Variants in ANKRD11 observed in about 807,000 individuals in gnomAD.
The protein encoded by ANKRD11 is ankyrin repeat domain-containing protein 11.
Under a neutral mutation model 195.7 loss-of-function variants are expected in ANKRD11, and 17 were observed. That is an observed-to-expected ratio of 0.09 (90% CI 0.06 to 0.13). The LOEUF (loss-of-function observed/expected upper bound fraction) is 0.13, where lower values mean the gene tolerates loss of function less well. ANKRD11 is among the 10% of genes least tolerant of loss of function. ANKRD11 has a pLI of 1.00. For synonymous variants in ANKRD11, 1,953 were observed against 1,528.1 expected, an observed-to-expected ratio of 1.28 and a Z score of -6.49; for missense variants, 3,735 against 3,566.1, an observed-to-expected ratio of 1.05 and a Z score of -1.21.
At chr16:89,338,982 C>T (rs1235626569) in intron 2 of ANKRD11, among the ~76,000 whole-genome samples, 1 of 152,178 alleles carries the variant, frequency 6.6e-6, no homozygotes, top group Non-Finnish European at 1.5e-5. Context: ...CTCAAAGTCA[C>T]CACCGAGGGC....
chr16:89,305,817 G>C (rs1196081688), intron 3 of ANKRD11, among the ~76,000 whole-genome samples: 1 of 111,558 alleles, frequency 9.0e-6, no homozygotes, highest in Non-Finnish European at 1.8e-5. Context: ...GCAGACATGC[G>C]CCACTTACCT....
Position 89,316,931 on chromosome 16 carries a change from AC to A in ANKRD11, c.87+1del. 1 of 1,613,040 alleles carries A rather than the reference AC, an allele frequency of 6.2e-7. No individual in the cohort carries two copies. Among genetic ancestry groups the A allele is most frequent in the Non-Finnish European group, 8.5e-7 (1 of 1,179,676 alleles). ...TGCAGGGCTGGGAGGGGGCAGCATT[AC>A]CTTTTTCCCAGTCTGCTTCTCCACC... On this transcript the variant is annotated splice_donor_variant, in intron 3 of 12. Transcript: ENST00000301030. LOFTEE classifies it high-confidence loss of function.
chr16:89,302,278 G>A (rs918276703), intron 4 of ANKRD11, among the ~76,000 whole-genome samples: 6 of 152,176 alleles, frequency 3.9e-5, no homozygotes, highest in Admixed American at 6.5e-5. Context: ...TTTAGAGACG[G>A]AGTCTTGCTC....
chr16:89,326,893 G>A (rs367638119), intron 2 of ANKRD11, among the ~76,000 whole-genome samples: 19 of 152,350 alleles, frequency 1.2e-4, no homozygotes, highest in African/African-American at 4.6e-4. Context: ...ACATCTGCAC[G>A]TGGGGCTGAC....
At chr16:89,374,057 G>C (rs374892316) in intron 2 of ANKRD11, among the ~76,000 whole-genome samples, 161 of 152,354 alleles carry the variant, frequency 1.1e-3, no homozygotes, top group African/African-American at 3.4e-3. Context: ...CAACACGCAA[G>C]TGTGAGGCCC....
intron 1 of ANKRD11, among the ~76,000 whole-genome samples, chr16:89,427,172 G>C (rs12929744): frequency 0.33 from 49,835 of 152,100 alleles, 10,535 homozygotes; most frequent in Middle Eastern, 0.53. Flanking sequence ...ATTTAAAACA[G>C]CATCAAAAAG....
chr16:89,397,044 G>GT (rs1267443716), intron 2 of ANKRD11, among the ~76,000 whole-genome samples: 1 of 151,306 alleles, frequency 6.6e-6, no homozygotes, highest in Non-Finnish European at 1.5e-5. Flanking sequence ...TTTAAAGAAT[G>GT]TGCTGCTTAT....
intron 2 of ANKRD11, among the ~76,000 whole-genome samples, chr16:89,399,532 G>A (rs1304644783): frequency 6.6e-6 from 1 of 152,136 alleles, no homozygotes; most frequent in Non-Finnish European, 1.5e-5. Flanking sequence ...TGTGCAGCAG[G>A]AACACGGGGG....
At position 89,283,254 on chromosome 16, in the gene ANKRD11, TGAG is replaced by T. The variant is rs2034409441; in HGVS notation, c.3285_3287del (p.Ser1096del). On this transcript the variant is annotated inframe_deletion, in exon 9 of 13. Coordinates refer to ENST00000301030, the MANE Select transcript of ANKRD11 (RefSeq NM_013275.6). The surrounding 1 kb of genome is among the most constrained non-coding windows in gnomAD (Gnocchi z 4.3). ...CATCTTTTTTTTCAGAGAAGTCTTC[TGAG>T]ATGATCCCAGGGAAAGCCTTCTCCT... 6.2e-7 allele frequency: 1 copy of T among 1,614,098 alleles called. No homozygotes were observed. The highest frequency in any genetic ancestry group is 8.5e-7 in the Non-Finnish European group (1 of 1,180,058).
At chr16:89,286,416 C>G (rs564462914) in intron 7 of ANKRD11, 11 of 655,988 alleles carry the variant, frequency 1.7e-5, no homozygotes, top group Non-Finnish European at 2.6e-5. Context: ...CGGGGGCTCC[C>G]GCACCCCTCC....
At chr16:89,474,991 C>T (rs1404297021) in intron 1 of ANKRD11, among the ~76,000 whole-genome samples, 1 of 152,228 alleles carries the variant, frequency 6.6e-6, no homozygotes, top group African/African-American at 2.4e-5. Context: ...GCCACCCCTG[C>T]CCTCTCCTCA....
In ANKRD11 at chr16:89,268,724, C is replaced by A; in HGVS notation, c.7807-61G>T. 4.6e-6 allele frequency: 7 copies of A among 1,533,788 alleles called. No individual in the cohort carries two copies. The Middle Eastern group carries it at 8.9e-4, about 196-fold the overall frequency. ...AGTGAAGGGAGAGCCCCAGACTCTG[C>A]CGACCTCAGCTGCCAGCAGGGCCAA... On this transcript the variant is annotated intron_variant, in intron 12 of 12. Coordinates refer to ENST00000301030, the MANE Select transcript of ANKRD11 (RefSeq NM_013275.6).
intron 11 of ANKRD11, 127 bp downstream of exon 11, chr16:89,274,687 G>A (rs1661606232): frequency 1.2e-5 from 16 of 1,381,294 alleles, no homozygotes; most frequent in African/African-American, 2.8e-5. Flanking sequence ...AAAGGACTCT[G>A]TAGCCCCTGC....
intron 2 of ANKRD11, among the ~76,000 whole-genome samples, chr16:89,344,091 C>T (rs375876168): frequency 3.7e-4 from 56 of 152,292 alleles, no homozygotes; most frequent in African/African-American, 1.2e-3. Context: ...CAGGACTTCC[C>T]GGGCCTCAAT....
chr16:89,283,640 G>A lies in ANKRD11; in HGVS notation c.2902C>T (p.Pro968Ser), dbSNP rs1164325679. The A allele has an allele frequency of 6.2e-7, 1 of 1,610,762 alleles. No homozygotes were observed. Residue 968 changes from proline (P) to serine (S), a missense_variant, in exon 9 of 13, where the codon CCC becomes TCC. Coordinates refer to ENST00000301030, the MANE Select transcript of ANKRD11 (RefSeq NM_013275.6). The surrounding 1 kb of genome is among the most constrained non-coding windows in gnomAD (Gnocchi z 4.3). ...AGCTCCTCCCGGTGCGCCTCCTCGGGCTTGGCCCTGCCGTCCCTGCGCTCC... is the reference window on the plus strand; with the variant it reads ...AGCTCCTCCCGGTGCGCCTCCTCGGACTTGGCCCTGCCGTCCCTGCGCTCC... ...CKERRDGRAK[P>S]EEAHREELKE...
chr16:89,275,056 G>A, intron 10 of ANKRD11, 37 bp downstream of exon 10: 1 of 1,612,518 alleles, frequency 6.2e-7, no homozygotes, highest in Non-Finnish European at 8.5e-7. Flanking sequence ...GAAAAGCCCT[G>A]GCCGTGGCGC....
intron 2 of ANKRD11, among the ~76,000 whole-genome samples, chr16:89,357,702 C>G (rs573759666): frequency 7.7e-4 from 118 of 152,304 alleles, no homozygotes; most frequent in African/African-American, 2.7e-3. Flanking sequence ...CTGTCACAGC[C>G]AATGCTGCGG....
At chr16:89,419,156 A>G (rs1032411422) in intron 1 of ANKRD11, among the ~76,000 whole-genome samples, 1 of 152,076 alleles carries the variant, frequency 6.6e-6, no homozygotes, top group East Asian at 1.9e-4. Flanking sequence ...CCATTTTTTT[A>G]AAAAGCTGAA....
At chr16:89,381,667 C>G (rs1382899214) in intron 2 of ANKRD11, among the ~76,000 whole-genome samples, 2 of 152,168 alleles carry the variant, frequency 1.3e-5, no homozygotes, top group African/African-American at 4.8e-5. Flanking sequence ...ATCACAGAAA[C>G]CCACCTTCAG....
Sources: allele counts gnomAD v4.1 joint callset (sites outside exome capture counted in the v4.1 genomes callset), GRCh38; gene constraint gnomAD v4.1.1; non-coding constraint Gnocchi (gnomAD v3.1); transcripts MANE v1.5; gene names NCBI Gene and HGNC (gene_info 2026-07-23, HGNC 2026-07-21).